Variants in ZNF486 observed in about 807,000 individuals in gnomAD.
The protein encoded by ZNF486 is zinc finger protein 486.
Under a neutral mutation model 12.8 loss-of-function variants are expected in ZNF486, and 12 were observed. The ratio of observed to expected loss-of-function variants is 0.94; its 90% CI spans 0.60 to 1.52. The LOEUF (loss-of-function observed/expected upper bound fraction) is 1.52. ZNF486 is among the 40% of genes most tolerant of loss of function. The probability of loss-of-function intolerance (pLI) is 0.00; values close to 1 mark genes in which losing one functional copy is unlikely to be tolerated. For missense variants in ZNF486, 738 were observed against 545.0 expected (o/e 1.35, Z -3.53); for synonymous variants, 231 against 184.9 (o/e 1.25, Z -2.02).
At chr19:20,189,065 G>C (rs1555716844) in intron 3 of ZNF486, among the ~76,000 whole-genome samples, 2 of 152,022 alleles carry the variant, frequency 1.3e-5, no homozygotes, top group East Asian at 3.9e-4. Flanking sequence ...ATGTCTTCCA[G>C]GTCCTGTGTT....
chr19:20,176,945 A>T (rs1555714922), intron 1 of ZNF486: 1 of 152,224 alleles, frequency 6.6e-6, no homozygotes, highest in East Asian at 1.9e-4. Context: ...CTGGAAATTC[A>T]GCAGTATTTT....
intron 1 of ZNF486, among the ~76,000 whole-genome samples, chr19:20,168,246 C>T (rs1196383262): frequency 6.6e-6 from 1 of 152,164 alleles, no homozygotes; most frequent in African/African-American, 2.4e-5. Context: ...GTAATCCCAG[C>T]TACTTGGGAG....
In ZNF486 at chr19:20,177,194, A is replaced by T. The variant is rs143452258; in HGVS notation, c.31-7162A>T. ...AGGTCAAGAGAGCATACTAGCAACC[A>T]GGAGAAAGCAAGCAGGAGTGCTGTA... On this transcript the variant is annotated intron_variant, in intron 1 of 3. Transcript: ENST00000335117. The T allele has an allele frequency of 3.7e-4, 56 of 152,434 alleles. 1 individual carries two copies. The highest frequency in any genetic ancestry group is 1.3e-3 in the African/African-American group (55 of 41,572). 9.4% of individuals were successfully genotyped at this position (152,434 alleles called of 1,614,324 possible).
At chr19:20,172,311 C>CT (rs34515323) in intron 1 of ZNF486, among the ~76,000 whole-genome samples, 47,267 of 148,192 alleles carry the variant, frequency 0.32, 9,188 homozygotes, top group African/African-American at 0.54. Context: ...CTTTTGCCTA[C>CT]TTTTTTTTTT....
chr19:20,197,289 G>C lies in ZNF486; in HGVS notation c.579G>C (p.Gln193His), dbSNP rs2089968550. The C allele has an allele frequency of 1.9e-6, 3 of 1,611,484 alleles. No individual in the cohort carries two copies. Among genetic ancestry groups the C allele is most frequent in the Admixed American group, 1.7e-5 (1 of 59,502 alleles). ...KYIEGDKAFN[Q>H]SSTHTTHKKI... ...TAGAAGGTGACAAAGCTTTTAACCA[G>C]TCCTCAACCCATACTACACATAAAA... The change falls in exon 4 of 4, where the codon CAG becomes CAC. Residue 193 changes from glutamine (Q) to histidine (H), a missense_variant. Coordinates refer to ENST00000335117, the MANE Select transcript of ZNF486 (RefSeq NM_052852.4).
At chr19:20,186,252 G>A (rs1226945933) in intron 3 of ZNF486, among the ~76,000 whole-genome samples, 170 bp downstream of exon 3, 1 of 151,960 alleles carries the variant, frequency 6.6e-6, no homozygotes, top group Non-Finnish European at 1.5e-5. Flanking sequence ...TCTCACAAAG[G>A]GACATCTGTC....
intron 1 of ZNF486, among the ~76,000 whole-genome samples, chr19:20,182,082 C>G (rs920578470): frequency 6.6e-6 from 1 of 152,180 alleles, no homozygotes; most frequent in African/African-American, 2.4e-5. Flanking sequence ...GCATATAAAA[C>G]TTTAGGGTGG....
chr19:20,195,102 C>T (rs569433054), intron 3 of ZNF486, among the ~76,000 whole-genome samples: 1 of 152,154 alleles, frequency 6.6e-6, no homozygotes, highest in South Asian at 2.1e-4. Context: ...GAACTGCTGA[C>T]CTCAAATGAT....
intron 3 of ZNF486, among the ~76,000 whole-genome samples, chr19:20,192,012 A>T (rs1295669650): frequency 3.3e-5 from 5 of 152,162 alleles, no homozygotes; most frequent in African/African-American, 1.2e-4. Context: ...ACACATATAC[A>T]TATAGATAGA....
chr19:20,185,932 G>T (rs1387014590), intron 2 of ZNF486, 55 bp from the exon 3 acceptor site: 1 of 1,168,852 alleles, frequency 8.6e-7, no homozygotes, highest in Non-Finnish European at 1.2e-6. Context: ...CACATTACTA[G>T]CTTGTAATTG....
At chr19:20,195,447 A>G (rs2122684102) in intron 3 of ZNF486, among the ~76,000 whole-genome samples, 1 of 152,318 alleles carries the variant, frequency 6.6e-6, no homozygotes, top group South Asian at 2.1e-4. Context: ...GGATTACAGG[A>G]ATGAGCCACC....
chr19:20,187,648 C>T (rs1475991447), intron 3 of ZNF486, among the ~76,000 whole-genome samples: 3 of 151,726 alleles, frequency 2.0e-5, no homozygotes, highest in African/African-American at 2.4e-5. Flanking sequence ...ACTACAGGCG[C>T]CCACCACCAC....
At chr19:20,195,464 G>A (rs1249510454) in intron 3 of ZNF486, among the ~76,000 whole-genome samples, 1 of 152,104 alleles carries the variant, frequency 6.6e-6, no homozygotes, top group Non-Finnish European at 1.5e-5. Context: ...CACCAACAGT[G>A]GGATGTTCAA....
At chr19:20,171,670 T>G (rs78011299) in intron 1 of ZNF486, among the ~76,000 whole-genome samples, 11,738 of 152,308 alleles carry the variant, frequency 0.077, 723 homozygotes, top group African/African-American at 0.18. Context: ...GTGAAAATCA[T>G]TCCATTCACC....
chr19:20,169,091 A>G lies in ZNF486; in HGVS notation c.30+1731A>G, dbSNP rs548411978. Among the ~76,000 whole-genome samples the G allele has an allele frequency of 2.4e-3, 362 of 151,746 alleles. 4 individuals carry two copies. The highest frequency in any genetic ancestry group is 8.3e-3 in the African/African-American group (342 of 41,342). ...CCTGACCTTGTGATCCGCCTACCTC[A>G]GCCTCCCGAAGTGGTGGGGTTACTA... On this transcript the variant is annotated intron_variant, in intron 1 of 3. Transcript: ENST00000335117.
intron 1 of ZNF486, among the ~76,000 whole-genome samples, chr19:20,169,888 GTTT>G (rs781968530): frequency 4.6e-4 from 50 of 108,908 alleles, no homozygotes; most frequent in Admixed American, 1.3e-3. Context: ...GGGGTTGTAT[GTTT>G]TTTTTTTTTT....
intron 3 of ZNF486, among the ~76,000 whole-genome samples, chr19:20,191,930 A>G (rs1430023583): frequency 6.6e-6 from 1 of 152,024 alleles, no homozygotes; most frequent in African/African-American, 2.4e-5. Flanking sequence ...TACAATTTTT[A>G]TGTTGCTATG....
intron 3 of ZNF486, among the ~76,000 whole-genome samples, chr19:20,195,147 C>T (rs912697867): frequency 1.3e-5 from 2 of 152,102 alleles, no homozygotes; most frequent in Non-Finnish European, 2.9e-5. Context: ...GCTGGGTTTA[C>T]AGGCATCAGC....
chr19:20,194,839 C>T (rs1219630099), intron 3 of ZNF486, among the ~76,000 whole-genome samples: 1 of 151,918 alleles, frequency 6.6e-6, no homozygotes, highest in Non-Finnish European at 1.5e-5. Flanking sequence ...TGAAATTTTG[C>T]TTATATATGT....
Sources: allele counts gnomAD v4.1 joint callset (sites outside exome capture counted in the v4.1 genomes callset), GRCh38; gene constraint gnomAD v4.1.1; transcripts MANE v1.5; gene names NCBI Gene and HGNC (gene_info 2026-07-23, HGNC 2026-07-21).